The following SH3GL3 variants were observed in gnomAD, a reference collection of about 807,000 sequenced individuals.
The protein encoded by SH3GL3 is endophilin-A3.
Under a neutral mutation model 47.7 loss-of-function variants are expected in SH3GL3, and 33 were observed. The observed-to-expected ratio is 0.69, with a 90% CI of 0.52 to 0.92. The LOEUF is 0.92. Ranked by LOEUF, SH3GL3 falls within the 40% of genes least tolerant of loss-of-function variation. SH3GL3 has a pLI of 0.00. For missense variants in SH3GL3, 363 were observed against 417.8 expected, an observed-to-expected ratio of 0.87 and a Z score of 1.14; for synonymous variants, 155 against 148.8, an observed-to-expected ratio of 1.04 and a Z score of -0.30.
chr15:83,516,762 T>C (rs2042995234), intron 1 of SH3GL3, among the ~76,000 whole-genome samples: 1 of 152,124 alleles, frequency 6.6e-6, no homozygotes, highest in Non-Finnish European at 1.5e-5. Context: ...GGGATTACAA[T>C]TGAACATGAG....
At chr15:83,490,264 CG>C (rs892130038) in intron 1 of SH3GL3, among the ~76,000 whole-genome samples, 1 of 141,526 alleles carries the variant, frequency 7.1e-6, no homozygotes, top group African/African-American at 2.8e-5. Context: ...AGTGATTTTG[CG>C]TTTTTTTTTT....
chr15:83,457,513 C>T (rs1448663621), intron 1 of SH3GL3, among the ~76,000 whole-genome samples: 1 of 152,180 alleles, frequency 6.6e-6, no homozygotes, highest in East Asian at 1.9e-4. Flanking sequence ...CCTGTAATCA[C>T]TGACTATACA....
intron 1 of SH3GL3, among the ~76,000 whole-genome samples, chr15:83,550,377 C>T (rs1425081590): frequency 6.6e-6 from 1 of 152,092 alleles, no homozygotes; most frequent in East Asian, 1.9e-4. Flanking sequence ...ATCCACAGTG[C>T]CCATTACCAT....
intron 1 of SH3GL3, among the ~76,000 whole-genome samples, chr15:83,519,620 C>T (rs543299231): frequency 6.6e-6 from 1 of 152,020 alleles, no homozygotes; most frequent in South Asian, 2.1e-4. Context: ...AAGAGAAATA[C>T]TTTCACTTCT....
chr15:83,632,774 C>T, the SH3GL3 span, among the ~76,000 whole-genome samples: 1 of 152,170 alleles, frequency 6.6e-6, no homozygotes, highest in South Asian at 2.1e-4. Context: ...ATTATGGGAA[C>T]TACAATTCAA....
intron 8 of SH3GL3, among the ~76,000 whole-genome samples, chr15:83,601,485 T>C (rs1475452951): frequency 1.3e-5 from 2 of 152,250 alleles, no homozygotes; most frequent in Non-Finnish European, 2.9e-5. Context: ...TCTGTTTATG[T>C]GGTGTATCAC....
intron 1 of SH3GL3, among the ~76,000 whole-genome samples, chr15:83,514,530 T>A (rs1218541027): frequency 1.3e-5 from 2 of 152,200 alleles, no homozygotes; most frequent in Non-Finnish European, 2.9e-5. Flanking sequence ...CATTGGGGAA[T>A]TCTTTGTCAT....
chr15:83,577,632 C>A (rs914415370), intron 6 of SH3GL3, among the ~76,000 whole-genome samples: 1 of 151,728 alleles, frequency 6.6e-6, no homozygotes, highest in Non-Finnish European at 1.5e-5. Flanking sequence ...GCTCAAGCCA[C>A]CTACCCGACT....
chr15:83,586,883 GTC>G, intron 6 of SH3GL3, 98 bp from the exon 7 acceptor site: 1 of 578,564 alleles, frequency 1.7e-6, no homozygotes, highest in Non-Finnish European at 3.1e-6. Flanking sequence ...GCAGACACTG[GTC>G]TTCCCTGCAA....
intron 1 of SH3GL3, among the ~76,000 whole-genome samples, chr15:83,513,605 C>G (rs1050668324): frequency 6.6e-6 from 1 of 152,184 alleles, no homozygotes; most frequent in African/African-American, 2.4e-5. Context: ...ACTGAGAACA[C>G]TTCCCTCATG....
At position 83,618,665 on chromosome 15, in the gene SH3GL3, C is replaced by T. The variant is rs77806873; in HGVS notation, c.*378C>T. The T allele has an allele frequency of 1.5e-4, 31 of 208,670 alleles. No homozygotes were observed. The East Asian group carries it at 2.3e-3, about 16-fold the overall frequency. The allele number at this position is 208,670 out of a possible 1,614,324, so 12.9% of individuals were successfully genotyped here. A position where few individuals can be genotyped will look rare whatever the true frequency, so the allele number is the denominator to read the frequency against. ...TTTTGTTTCTCGACATTCCTGATGA[C>T]GTCTGGTCTTTTCTTTTCATTGTAT... On this transcript the variant is annotated 3_prime_UTR_variant, in exon 9 of 9. Coordinates refer to ENST00000427482, the MANE Select transcript of SH3GL3 (RefSeq NM_003027.5).
intron 1 of SH3GL3, among the ~76,000 whole-genome samples, chr15:83,515,903 A>G (rs1338902570): frequency 1.3e-5 from 2 of 152,186 alleles, no homozygotes; most frequent in African/African-American, 4.8e-5. Context: ...TGTTTAATTC[A>G]CTGTAAAAAT....
intron 1 of SH3GL3, among the ~76,000 whole-genome samples, chr15:83,466,767 C>T (rs1226409049): frequency 6.6e-6 from 1 of 152,124 alleles, no homozygotes; most frequent in Non-Finnish European, 1.5e-5. Flanking sequence ...AGGGATATGT[C>T]ATTGTGGTTT....
Position 83,547,774 on chromosome 15 carries a change from C to CT in SH3GL3, c.46-11463dup, listed in dbSNP as rs35952829. On this transcript the variant is annotated intron_variant, in intron 1 of 8. Coordinates refer to ENST00000427482, the MANE Select transcript of SH3GL3 (RefSeq NM_003027.5). ...CTCTTATTAGCAGGATATAGTGTAG[C>CT]TTTTTTTTTTTTTTTTAAATGCTGG... Among the ~76,000 whole-genome samples the CT allele has an allele frequency of 8.6e-3, 1,145 of 132,558 alleles. 9 individuals are homozygous for CT. The highest frequency in any genetic ancestry group is 0.026 in the African/African-American group (940 of 35,884). The allele number at this position is 132,558 out of a possible 152,430, so 87.0% of individuals were successfully genotyped here.
chr15:83,620,660 A>C (rs144998128), downstream of SH3GL3, among the ~76,000 whole-genome samples: 1,308 of 152,352 alleles, frequency 8.6e-3, 19 homozygotes, highest in African/African-American at 0.029. Context: ...TGTTCCATTT[A>C]TAGAGCACAA....
At chr15:83,600,571 C>A (rs567218988) in intron 8 of SH3GL3, among the ~76,000 whole-genome samples, 2 of 152,120 alleles carry the variant, frequency 1.3e-5, no homozygotes, top group Admixed American at 1.3e-4. Context: ...ATAACAGTAC[C>A]ATGCTGTTTT....
At chr15:83,608,083 G>C in intron 8 of SH3GL3, among the ~76,000 whole-genome samples, 1 of 152,028 alleles carries the variant, frequency 6.6e-6, no homozygotes, top group East Asian at 1.9e-4. Context: ...AATATAACCC[G>C]AGTAAATTGA....
intron 8 of SH3GL3, among the ~76,000 whole-genome samples, chr15:83,591,395 A>G (rs1216062990): frequency 2.6e-5 from 4 of 151,772 alleles, no homozygotes; most frequent in African/African-American, 7.3e-5. Flanking sequence ...TGGATGTCCA[A>G]TTGCCCTTTC....
intron 6 of SH3GL3, among the ~76,000 whole-genome samples, chr15:83,584,641 C>A (rs1244907709): frequency 6.6e-6 from 1 of 152,114 alleles, no homozygotes; most frequent in Non-Finnish European, 1.5e-5. Context: ...GAGTGTGAGC[C>A]CATCTGTAGG....
Sources: gnomAD v4.1 joint callset for allele counts (sites outside exome capture counted in the v4.1 genomes callset) on GRCh38, gnomAD v4.1.1 for gene constraint, MANE v1.5 for transcripts, NCBI Gene and HGNC (gene_info 2026-07-23, HGNC 2026-07-21) for gene names.